Variants in DHX8 observed in about 807,000 individuals in gnomAD.
DHX8 encodes the protein ATP-dependent RNA helicase DHX8.
DHX8 carries 67 observed loss-of-function variants against 140.7 expected under a neutral mutation model. The ratio of observed to expected loss-of-function variants is 0.48; its 90% CI spans 0.39 to 0.58. DHX8 has a LOEUF of 0.58. Ranked by LOEUF, DHX8 falls within the 20% of genes least tolerant of loss-of-function variation. DHX8 has a pLI of 0.00. For synonymous variants in DHX8, 533 were observed against 553.2 expected (o/e 0.96, Z 0.51); for missense variants, 887 against 1,550.7 (o/e 0.57, Z 7.19).
intron 5 of DHX8, 147 bp downstream of exon 5, chr17:43,492,439 C>T (rs973230222): frequency 1.5e-6 from 1 of 671,550 alleles, no homozygotes; most frequent in Non-Finnish European, 2.6e-6. Context: ...TTGCTTCCTG[C>T]TAAGTGTATG....
chr17:43,541,951 G>A (rs761870478), intron 3 of DHX8, among the ~76,000 whole-genome samples: 5 of 152,224 alleles, frequency 3.3e-5, no homozygotes, highest in East Asian at 3.9e-4. Flanking sequence ...ACATGCACTC[G>A]GACGCATATT....
At chr17:43,532,524 T>A in intron 2 of DHX8, 1 of 732,872 alleles carries the variant, frequency 1.4e-6, no homozygotes, top group Non-Finnish European at 2.2e-6. Context: ...GAAAGAAAAA[T>A]AACATTCTTT....
intron 2 of DHX8, among the ~76,000 whole-genome samples, chr17:43,536,102 C>G (rs912587465): frequency 6.6e-6 from 1 of 150,594 alleles, no homozygotes; most frequent in African/African-American, 2.4e-5. Context: ...CAGAGCAAGA[C>G]TCTGTCTTGG....
At chr17:43,504,564 C>T in intron 11 of DHX8, 80 bp from the exon 12 acceptor site, 1 of 1,414,970 alleles carries the variant, frequency 7.1e-7, no homozygotes, top group South Asian at 1.4e-5. Flanking sequence ...TGTGCAGTGC[C>T]CGCATGCCAT....
intron 3 of DHX8, among the ~76,000 whole-genome samples, chr17:43,542,958 C>T (rs1008307696): frequency 6.6e-6 from 1 of 152,138 alleles, no homozygotes; most frequent in Admixed American, 6.5e-5. Flanking sequence ...CATGGGTTGC[C>T]GGGGTCACTG....
At chr17:43,516,002 T>G (rs1970096830) in intron 17 of DHX8, among the ~76,000 whole-genome samples, 1 of 152,114 alleles carries the variant, frequency 6.6e-6, no homozygotes, top group Non-Finnish European at 1.5e-5. Flanking sequence ...AAATCAGTGT[T>G]TTTGAAGTAG....
chr17:43,532,998 G>C, intron 2 of DHX8: 1 of 1,524,382 alleles, frequency 6.6e-7, no homozygotes, highest in Non-Finnish European at 8.8e-7. Context: ...CCTTCCTCGA[G>C]CCTGTTACTC....
At chr17:43,521,853 C>T (rs1433320952) in intron 21 of DHX8, among the ~76,000 whole-genome samples, 194 bp from the exon 22 acceptor site, 1 of 152,194 alleles carries the variant, frequency 6.6e-6, no homozygotes, top group Admixed American at 6.5e-5. Flanking sequence ...GAATACCTGT[C>T]TAAACAAAGT....
At chr17:43,485,180 T>C (rs562858033) in intron 1 of DHX8, among the ~76,000 whole-genome samples, 2 of 152,248 alleles carry the variant, frequency 1.3e-5, no homozygotes, top group Admixed American at 1.3e-4. Flanking sequence ...CAGTTGCAGA[T>C]TCAGATGAGT....
intron 1 of DHX8, among the ~76,000 whole-genome samples, chr17:43,485,828 C>G (rs1192000970): frequency 2.0e-5 from 3 of 152,182 alleles, no homozygotes; most frequent in Non-Finnish European, 2.9e-5. Context: ...AGCTAAAGAT[C>G]TCAATTAATT....
At chr17:43,538,531 A>C (rs953978732) in intron 3 of DHX8, among the ~76,000 whole-genome samples, 7 of 152,104 alleles carry the variant, frequency 4.6e-5, no homozygotes, top group African/African-American at 1.4e-4. Context: ...GGAAAACTGA[A>C]ATACAGCAGC....
downstream of DHX8, chr17:43,528,522 G>T (rs763477409): frequency 3.1e-6 from 5 of 1,603,124 alleles, no homozygotes; most frequent in East Asian, 4.5e-5. Flanking sequence ...CTGGGGGCTA[G>T]TAAGAGTAGC....
At chr17:43,526,509 CT>C (rs1450719385), downstream of DHX8, 59 of 1,535,548 alleles carry the variant, frequency 3.8e-5, no homozygotes, top group East Asian at 1.4e-3. Flanking sequence ...AAAGCACTTC[CT>C]CCCTGTGGTT....
intron 2 of DHX8, among the ~76,000 whole-genome samples, chr17:43,535,518 CCA>C (rs1971193976): frequency 6.6e-6 from 1 of 152,112 alleles, no homozygotes; most frequent in African/African-American, 2.4e-5. Context: ...CTCATGTGAT[CCA>C]CGCGCCTCAG....
At chr17:43,500,970 C>A (rs1056928239) in intron 11 of DHX8, among the ~76,000 whole-genome samples, 3 of 151,752 alleles carry the variant, frequency 2.0e-5, no homozygotes, top group Admixed American at 1.3e-4. Flanking sequence ...TCATATAATT[C>A]TTTGTGCAGT....
intron 2 of DHX8, chr17:43,532,676 GAGTCGT>G (rs1165511412): frequency 2.5e-6 from 4 of 1,610,964 alleles, no homozygotes; most frequent in Non-Finnish European, 3.4e-6. Context: ...TCTCTTACCT[GAGTCGT>G]AGGCGAAGTC....
intron 1 of DHX8, among the ~76,000 whole-genome samples, chr17:43,485,143 T>A (rs953242396): frequency 3.9e-5 from 6 of 152,260 alleles, no homozygotes; most frequent in African/African-American, 1.2e-4. Context: ...GCTTCTTCAG[T>A]TGTAACAGGA....
chr17:43,501,075 C>T (rs932129365), intron 11 of DHX8, among the ~76,000 whole-genome samples: 3 of 151,724 alleles, frequency 2.0e-5, no homozygotes, highest in African/African-American at 4.8e-5. Flanking sequence ...CAGATATGAT[C>T]CCTGCTTTTA....
downstream of DHX8, among the ~76,000 whole-genome samples, chr17:43,530,609 C>T (rs11658920): frequency 0.36 from 43,314 of 118,914 alleles, 6,301 homozygotes; most frequent in African/African-American, 0.46. Context: ...TGCACGCGCG[C>T]GTGTGTGTGT....
Sources: gnomAD v4.1 joint callset for allele counts (sites outside exome capture counted in the v4.1 genomes callset) on GRCh38, gnomAD v4.1.1 for gene constraint, MANE v1.5 for transcripts, NCBI Gene and HGNC (gene_info 2026-07-23, HGNC 2026-07-21) for gene names.